Variants in ADAMTS3 observed in about 807,000 individuals in gnomAD.
The protein encoded by ADAMTS3 is ADAM metallopeptidase with thrombospondin type 1 motif 3, also known as A disintegrin and metalloproteinase with thrombospondin motifs 3.
Under a neutral mutation model 129.0 loss-of-function variants are expected in ADAMTS3, and 73 were observed. The observed-to-expected ratio is 0.57, with a 90% CI of 0.47 to 0.69. ADAMTS3 has a LOEUF of 0.69. Among genes scored for constraint, ADAMTS3 ranks in the 30% least tolerant of loss-of-function variants. The probability of loss-of-function intolerance (pLI) is 0.00; values close to 1 mark genes in which losing one functional copy is unlikely to be tolerated. For missense variants in ADAMTS3, 1,457 were observed against 1,514.5 expected (o/e 0.96, Z 0.63); for synonymous variants, 477 against 510.8 (o/e 0.93, Z 0.89).
chr4:72,474,925 G>C (rs1413984321), intron 3 of ADAMTS3, among the ~76,000 whole-genome samples: 4 of 151,190 alleles, frequency 2.6e-5, no homozygotes, highest in Middle Eastern at 3.4e-3. Context: ...TACTTGGGAG[G>C]CTGAGGCAGG....
chr4:72,356,610 T>G (rs777886724), intron 4 of ADAMTS3, among the ~76,000 whole-genome samples: 22 of 151,842 alleles, frequency 1.4e-4, no homozygotes, highest in Non-Finnish European at 2.4e-4. Context: ...GAAATAAATG[T>G]TACCATTTCC....
chr4:72,351,170 A>AT (rs1360903117), intron 4 of ADAMTS3, among the ~76,000 whole-genome samples: 7 of 151,978 alleles, frequency 4.6e-5, no homozygotes, highest in Non-Finnish European at 1.0e-4. Context: ...TGTTTCAGAC[A>AT]TTTTGTCCAT....
intron 3 of ADAMTS3, among the ~76,000 whole-genome samples, chr4:72,451,808 G>T (rs1718414186): frequency 6.6e-6 from 1 of 151,694 alleles, no homozygotes; most frequent in South Asian, 2.1e-4. Flanking sequence ...TAGCTTTAAA[G>T]TTTGGAGGCC....
chr4:72,360,927 G>T (rs2109854988), intron 4 of ADAMTS3, among the ~76,000 whole-genome samples: 1 of 152,024 alleles, frequency 6.6e-6, no homozygotes, highest in South Asian at 2.1e-4. Flanking sequence ...TTTGATATGT[G>T]TATGTTGAAT....
rs1398838513 is a variant in ADAMTS3, at chr4:72,283,672, A to G, written c.3082T>C (p.Cys1028Arg). Reference sequence around the variant, plus strand: ...TATCGTGCCAACACTTCCATTTGACAGAATATGGACTTGTCTCCCAAACAT... The same window carrying G: ...TATCGTGCCAACACTTCCATTTGACGGAATATGGACTTGTCTCCCAAACAT... ...EPCLGDKSIF[C>R]QMEVLARYCS... The change falls in exon 22 of 22, where the codon TGT (cysteine) becomes CGT (arginine). Residue 1028 changes from cysteine (C) to arginine (R), a missense_variant. By Grantham distance (180) the Cys-to-Arg change is radical. Transcript: ENST00000286657. 2 of 1,609,026 alleles carry G rather than the reference A, an allele frequency of 1.2e-6. No homozygotes were observed. Among genetic ancestry groups the G allele is most frequent in the Admixed American group, 3.3e-5 (2 of 59,824 alleles).
chr4:72,408,995 C>G (rs1722121355), intron 4 of ADAMTS3, among the ~76,000 whole-genome samples: 1 of 151,894 alleles, frequency 6.6e-6, no homozygotes, highest in African/African-American at 2.4e-5. Context: ...CAACAAACTA[C>G]CAGGTCACGT....
intron 4 of ADAMTS3, among the ~76,000 whole-genome samples, chr4:72,396,152 G>T (rs1223746879): frequency 2.0e-5 from 3 of 152,086 alleles, no homozygotes; most frequent in Non-Finnish European, 4.4e-5. Context: ...GATAAAGAAG[G>T]AGTAGTCCAG....
chr4:72,510,891 G>A (rs1157287707), intron 3 of ADAMTS3, among the ~76,000 whole-genome samples: 1 of 144,094 alleles, frequency 6.9e-6, no homozygotes, highest in Non-Finnish European at 1.5e-5. Flanking sequence ...ACAGAGCTGT[G>A]ATAAACAAAA....
intron 3 of ADAMTS3, among the ~76,000 whole-genome samples, chr4:72,417,521 G>C (rs993510332): frequency 3.3e-5 from 5 of 152,136 alleles, no homozygotes. Flanking sequence ...GTCAAACTGA[G>C]TCAGTATTAG....
intron 3 of ADAMTS3, among the ~76,000 whole-genome samples, chr4:72,434,224 C>A (rs1272796449): frequency 6.6e-6 from 1 of 151,588 alleles, no homozygotes; most frequent in Non-Finnish European, 1.5e-5. Flanking sequence ...ATATATGGTA[C>A]CATAACTGCA....
At chr4:72,499,475 C>T (rs1160355948) in intron 3 of ADAMTS3, among the ~76,000 whole-genome samples, 2 of 152,064 alleles carry the variant, frequency 1.3e-5, no homozygotes, top group East Asian at 3.8e-4. Context: ...GAGAACATAC[C>T]TCTTAGTCTA....
chr4:72,325,874 G>A (rs1246719145), intron 5 of ADAMTS3, among the ~76,000 whole-genome samples: 1 of 152,036 alleles, frequency 6.6e-6, no homozygotes, highest in East Asian at 1.9e-4. Context: ...AGTATAAAAT[G>A]CACATATAAT....
chr4:72,478,106 C>T (rs1261536320), intron 3 of ADAMTS3, among the ~76,000 whole-genome samples: 1 of 152,158 alleles, frequency 6.6e-6, no homozygotes, highest in Non-Finnish European at 1.5e-5. Flanking sequence ...CAAATTCTAC[C>T]AGAGGTACAA....
intron 19 of ADAMTS3, 26 bp downstream of exon 19, chr4:72,295,628 A>G: frequency 6.3e-7 from 1 of 1,594,172 alleles, no homozygotes; most frequent in Non-Finnish European, 8.5e-7. Flanking sequence ...TGACCTCCAG[A>G]TATGATAGTT....
At chr4:72,423,517 C>A (rs1017524295) in intron 3 of ADAMTS3, among the ~76,000 whole-genome samples, 2 of 152,058 alleles carry the variant, frequency 1.3e-5, no homozygotes, top group Admixed American at 1.3e-4. Flanking sequence ...TTGTCTAATT[C>A]CATTTACAAT....
chr4:72,396,776 T>C (rs911688557), intron 4 of ADAMTS3, among the ~76,000 whole-genome samples: 2 of 152,248 alleles, frequency 1.3e-5, no homozygotes, highest in Non-Finnish European at 2.9e-5. Context: ...AAGTAATATA[T>C]ATAAAACAAA....
At chr4:72,541,443 T>C (rs771205613) in intron 3 of ADAMTS3, among the ~76,000 whole-genome samples, 1 of 152,204 alleles carries the variant, frequency 6.6e-6, no homozygotes, top group Non-Finnish European at 1.5e-5. Context: ...TTTGAGCCCA[T>C]GCTGAAATAA....
At chr4:72,494,044 T>C (rs1461918926) in intron 3 of ADAMTS3, among the ~76,000 whole-genome samples, 1 of 152,148 alleles carries the variant, frequency 6.6e-6, no homozygotes, top group Non-Finnish European at 1.5e-5. Flanking sequence ...ACAATGTGCC[T>C]CAGTATAGTC....
At chr4:72,551,990 A>G (rs1457264648) in intron 2 of ADAMTS3, among the ~76,000 whole-genome samples, 4 of 152,192 alleles carry the variant, frequency 2.6e-5, no homozygotes. Context: ...AGGCTCTTAC[A>G]TTCTAGGTTT....
Sources: gnomAD v4.1 joint callset for allele counts (sites outside exome capture counted in the v4.1 genomes callset) on GRCh38, gnomAD v4.1.1 for gene constraint, MANE v1.5 for transcripts, NCBI Gene and HGNC (gene_info 2026-07-23, HGNC 2026-07-21) for gene names.